CDKAL1: variants seen among roughly 807,000 people sequenced by gnomAD.
The protein encoded by CDKAL1 is CDKAL1 threonylcarbamoyladenosine tRNA methylthiotransferase.
Under a neutral mutation model 68.2 loss-of-function variants are expected in CDKAL1, and 32 were observed. That is an observed-to-expected ratio of 0.47 (90% CI 0.35 to 0.63). The LOEUF (loss-of-function observed/expected upper bound fraction) is 0.63. Ranked by LOEUF, CDKAL1 falls within the 30% of genes least tolerant of loss-of-function variation. CDKAL1 has a pLI of 0.00. For synonymous variants in CDKAL1, 234 were observed against 244.3 expected (o/e 0.96, Z 0.39); for missense variants, 606 against 696.7 (o/e 0.87, Z 1.47).
intron 13 of CDKAL1, among the ~76,000 whole-genome samples, chr6:21,190,722 C>CCATA (rs1326547604): frequency 6.6e-6 from 1 of 152,184 alleles, no homozygotes; most frequent in Non-Finnish European, 1.5e-5. Context: ...AAATAATTGT[C>CCATA]AGCAGCTCTT....
intron 4 of CDKAL1, among the ~76,000 whole-genome samples, chr6:20,594,953 A>G (rs189891174): frequency 1.7e-4 from 26 of 152,264 alleles, no homozygotes; most frequent in African/African-American, 5.5e-4. Context: ...TGGATATGAA[A>G]TTCTGGGTTG....
At chr6:20,674,360 A>G (rs1769989945) in intron 5 of CDKAL1, among the ~76,000 whole-genome samples, 2 of 152,338 alleles carry the variant, frequency 1.3e-5, no homozygotes, top group East Asian at 3.9e-4. Flanking sequence ...TCCCCCATTA[A>G]GTAAGATACT....
chr6:20,589,674 A>G (rs536977605), intron 4 of CDKAL1, among the ~76,000 whole-genome samples: 2 of 152,324 alleles, frequency 1.3e-5, no homozygotes, highest in East Asian at 3.9e-4. Context: ...ACATACTACT[A>G]AAAGTACTTT....
intron 4 of CDKAL1, among the ~76,000 whole-genome samples, chr6:20,595,102 C>T (rs1046319207): frequency 6.6e-6 from 1 of 152,132 alleles, no homozygotes; most frequent in African/African-American, 2.4e-5. Flanking sequence ...CTGCCCTTAA[C>T]GTTTTTTTCT....
At chr6:20,627,618 G>A (rs187407185) in intron 4 of CDKAL1, among the ~76,000 whole-genome samples, 43 of 152,264 alleles carry the variant, frequency 2.8e-4, no homozygotes, top group Non-Finnish European at 5.3e-4. Flanking sequence ...TATGCCTACT[G>A]AGAACCTTGC....
intron 9 of CDKAL1, among the ~76,000 whole-genome samples, chr6:20,909,181 A>ATG (rs1762353643): frequency 7.5e-6 from 1 of 133,222 alleles, no homozygotes; most frequent in African/African-American, 2.8e-5. Flanking sequence ...ATATGTGTGC[A>ATG]TGTATGTGTG....
chr6:20,975,638 G>A (rs904026361), intron 10 of CDKAL1, among the ~76,000 whole-genome samples: 1 of 152,040 alleles, frequency 6.6e-6, no homozygotes, highest in Non-Finnish European at 1.5e-5. Context: ...CTTTGACTTA[G>A]TTATTTCATA....
intron 8 of CDKAL1, among the ~76,000 whole-genome samples, chr6:20,797,647 C>G (rs571870670): frequency 6.6e-6 from 1 of 151,880 alleles, no homozygotes; most frequent in South Asian, 2.1e-4. Flanking sequence ...TTGAATACCA[C>G]CAAACAAAAA....
chr6:20,990,027 G>C (rs1406301151), intron 10 of CDKAL1, among the ~76,000 whole-genome samples: 1 of 152,128 alleles, frequency 6.6e-6, no homozygotes, highest in African/African-American at 2.4e-5. Flanking sequence ...CAGATCACCT[G>C]AGGTCAGAAA....
chr6:20,985,732 G>A (rs931441251), intron 10 of CDKAL1, among the ~76,000 whole-genome samples: 1 of 152,044 alleles, frequency 6.6e-6, no homozygotes, highest in Non-Finnish European at 1.5e-5. Context: ...GAACCTAGGA[G>A]GTGGACTCTG....
chr6:21,148,715 T>C (rs1776284302), intron 13 of CDKAL1, among the ~76,000 whole-genome samples: 1 of 152,154 alleles, frequency 6.6e-6, no homozygotes, highest in Non-Finnish European at 1.5e-5. Context: ...TTTTAAAGCA[T>C]CTGTAATTTC....
chr6:20,980,323 C>T (rs1167413354), intron 10 of CDKAL1, among the ~76,000 whole-genome samples: 4 of 151,912 alleles, frequency 2.6e-5, no homozygotes, highest in South Asian at 2.1e-4. Context: ...CTGCAAGCTC[C>T]GCCTCCCAGG....
chr6:20,895,064 T>C (rs895774091), intron 9 of CDKAL1, among the ~76,000 whole-genome samples: 3 of 152,214 alleles, frequency 2.0e-5, no homozygotes, highest in African/African-American at 7.2e-5. Context: ...CTGTTGTGTA[T>C]CTTTTTTCTC....
chr6:20,781,261 A>ATT lies in CDKAL1; in HGVS notation c.634_635insTT (p.Thr212IlefsTer28). On this transcript the variant is annotated frameshift_variant, in exon 8 of 16. Coordinates refer to ENST00000274695, the MANE Select transcript of CDKAL1 (RefSeq NM_017774.3). LOFTEE classifies it high-confidence loss of function. ...ACTGATAGAAATCATTTCCATCAAT[A>ATT]CCGGGTAAGCATCTCTCAAACTTGC... is the stretch of plus-strand genomic sequence containing the variant. 6.2e-7 allele frequency: 1 copy of ATT among 1,611,292 alleles called. No individual in the cohort carries two copies. The highest frequency in any genetic ancestry group is 8.5e-7 in the Non-Finnish European group (1 of 1,178,858).
In CDKAL1 at chr6:21,231,429, GT is replaced by G. The variant is rs971509857; in HGVS notation, c.*400del. On this transcript the variant is annotated 3_prime_UTR_variant, in exon 16 of 16. Transcript: ENST00000274695. ...TCTATCTTTAATAAACTTTTTCTTTGTTTTTTTTTTCCAGATGGAGTTTCGC... is the reference window on the plus strand; with the variant it reads ...TCTATCTTTAATAAACTTTTTCTTTGTTTTTTTTTCCAGATGGAGTTTCGC... 1.8e-3 allele frequency: 280 copies of G among 151,766 alleles called. No individual in the cohort carries two copies. Among genetic ancestry groups the G allele is most frequent in the South Asian group, 5.7e-3 (27 of 4,720 alleles). The allele number at this position is 151,766 out of a possible 1,614,324, so 9.4% of individuals were successfully genotyped here.
intron 4 of CDKAL1, among the ~76,000 whole-genome samples, chr6:20,620,082 G>A (rs11967475): frequency 0.011 from 1,670 of 152,244 alleles, 26 homozygotes; most frequent in African/African-American, 0.036. Context: ...TCTTCCCGTA[G>A]ATTCTCAGTC....
intron 12 of CDKAL1, among the ~76,000 whole-genome samples, chr6:21,071,770 G>C (rs1771779868): frequency 1.3e-5 from 2 of 152,098 alleles, no homozygotes; most frequent in African/African-American, 4.8e-5. Flanking sequence ...GGTAAGAACT[G>C]ATTATTTTAA....
At chr6:21,095,848 T>A (rs1255211277) in intron 12 of CDKAL1, among the ~76,000 whole-genome samples, 1 of 152,160 alleles carries the variant, frequency 6.6e-6, no homozygotes, top group Non-Finnish European at 1.5e-5. Flanking sequence ...AGAAAATGTG[T>A]ATGTTTAATA....
intron 4 of CDKAL1, among the ~76,000 whole-genome samples, chr6:20,588,032 A>G (rs1765447417): frequency 6.7e-6 from 1 of 149,514 alleles, no homozygotes; most frequent in Non-Finnish European, 1.5e-5. Context: ...GGGAGGTGGA[A>G]GTTGCTGTGA....
Sources: gnomAD v4.1 joint callset for allele counts (sites outside exome capture counted in the v4.1 genomes callset) on GRCh38, gnomAD v4.1.1 for gene constraint, MANE v1.5 for transcripts, NCBI Gene and HGNC (gene_info 2026-07-23, HGNC 2026-07-21) for gene names.